Variants in RBFOX1 observed in about 807,000 individuals in gnomAD.
The protein encoded by RBFOX1 is RNA binding fox-1 homolog 1.
RBFOX1 carries 8 observed loss-of-function variants against 57.7 expected under a neutral mutation model. The observed-to-expected ratio is 0.14, with a 90% CI of 0.08 to 0.25. The LOEUF (loss-of-function observed/expected upper bound fraction) is 0.25, where lower values mean the gene tolerates loss of function less well. RBFOX1 is among the 10% of genes least tolerant of loss of function. The pLI is 1.00. For missense variants in RBFOX1, 611 were observed against 548.5 expected (o/e 1.11, Z -1.14); for synonymous variants, 326 against 222.4 (o/e 1.47, Z -4.15).
intron 1 of RBFOX1, among the ~76,000 whole-genome samples, chr16:5,307,805 C>G (rs1322600161): frequency 6.6e-6 from 1 of 152,152 alleles, no homozygotes; most frequent in Non-Finnish European, 1.5e-5. Context: ...CCCTGAGTAG[C>G]TATGACTACA....
At chr16:5,309,187 G>C (rs932323873) in intron 1 of RBFOX1, among the ~76,000 whole-genome samples, 1 of 152,174 alleles carries the variant, frequency 6.6e-6, no homozygotes, top group Non-Finnish European at 1.5e-5. Context: ...TGGGTTTTAG[G>C]AGGAGATAAA....
intron 4 of RBFOX1, among the ~76,000 whole-genome samples, chr16:7,079,666 G>A (rs1460863787): frequency 6.6e-6 from 1 of 152,156 alleles, no homozygotes; most frequent in Non-Finnish European, 1.5e-5. Context: ...AGATGAGAGT[G>A]AAAAGTAAAC....
At chr16:5,815,712 T>C (rs1892778516) in intron 3 of RBFOX1, among the ~76,000 whole-genome samples, 1 of 152,178 alleles carries the variant, frequency 6.6e-6, no homozygotes, top group Admixed American at 6.5e-5. Flanking sequence ...ATTAATCTTC[T>C]TGTAAAACCA....
intron 3 of RBFOX1, among the ~76,000 whole-genome samples, chr16:6,806,713 A>G (rs1169801245): frequency 6.7e-6 from 1 of 149,474 alleles, no homozygotes; most frequent in Non-Finnish European, 1.5e-5. Context: ...TCTTACATGT[A>G]TTACCAGGGG....
intron 14 of RBFOX1, among the ~76,000 whole-genome samples, chr16:7,690,546 G>C (rs191637716): frequency 1.3e-5 from 2 of 152,208 alleles, no homozygotes; most frequent in African/African-American, 4.8e-5. Flanking sequence ...TTAAATTCAC[G>C]GGTCTGTGTT....
chr16:7,657,931 C>T (rs142743361), intron 12 of RBFOX1, among the ~76,000 whole-genome samples: 27 of 152,300 alleles, frequency 1.8e-4, no homozygotes, highest in Non-Finnish European at 2.9e-4. Context: ...CCTAGGAAGA[C>T]ACTGGATTTA....
intron 1 of RBFOX1, among the ~76,000 whole-genome samples, chr16:6,173,759 G>A (rs1438307478): frequency 6.6e-6 from 1 of 152,018 alleles, no homozygotes; most frequent in Non-Finnish European, 1.5e-5. Context: ...ATAGGCGTAT[G>A]GCACCATGCC....
chr16:6,520,853 G>A (rs2096484764), intron 2 of RBFOX1, among the ~76,000 whole-genome samples: 1 of 152,120 alleles, frequency 6.6e-6, no homozygotes, highest in African/African-American at 2.4e-5. Context: ...ACTTTGAAGT[G>A]CTATTGTCAA....
chr16:5,341,489 G>T (rs1029062027), intron 1 of RBFOX1, among the ~76,000 whole-genome samples: 1 of 152,200 alleles, frequency 6.6e-6, no homozygotes, highest in Non-Finnish European at 1.5e-5. Flanking sequence ...GAGCTGACAG[G>T]ACTTGGGGAT....
At chr16:7,613,613 T>G (rs1343020156) in intron 10 of RBFOX1, among the ~76,000 whole-genome samples, 2 of 152,096 alleles carry the variant, frequency 1.3e-5, no homozygotes, top group Non-Finnish European at 2.9e-5. Context: ...GTATTTGACC[T>G]CGGATTTACC....
Position 5,438,260 on chromosome 16 carries a change from C to T in RBFOX1, c.220-28956C>T, listed in dbSNP as rs570019498. 3.3e-5 allele frequency among the ~76,000 whole-genome samples: 5 copies of T among 152,196 alleles called. No individual in the cohort carries two copies. The South Asian group carries it at 1.0e-3, about 32-fold the overall frequency. ...CACCCTCACTCCCATCCAGTCATCA[C>T]CTAAGTTACCTCCAGGGTTGTGGGT... On this transcript the variant is annotated intron_variant, in intron 1 of 2. Transcript: ENST00000585867.
chr16:6,683,229 T>G (rs1407099766), intron 3 of RBFOX1, among the ~76,000 whole-genome samples: 1 of 152,180 alleles, frequency 6.6e-6, no homozygotes, highest in African/African-American at 2.4e-5. Context: ...GTTCTAAATT[T>G]AAAAAGACAA....
intron 3 of RBFOX1, among the ~76,000 whole-genome samples, chr16:5,655,200 T>G (rs2049385923): frequency 6.6e-6 from 1 of 152,362 alleles, no homozygotes; most frequent in South Asian, 2.1e-4. Context: ...CACCATCATA[T>G]GCAGAATCTA....
chr16:7,065,458 T>A (rs1387009228), intron 4 of RBFOX1, among the ~76,000 whole-genome samples: 1 of 152,174 alleles, frequency 6.6e-6, no homozygotes, highest in East Asian at 1.9e-4. Context: ...TGGGTTTTTC[T>A]GAACCTGCTT....
At chr16:6,236,480 G>A (rs1296481591) in intron 1 of RBFOX1, among the ~76,000 whole-genome samples, 1 of 151,752 alleles carries the variant, frequency 6.6e-6, no homozygotes, top group Non-Finnish European at 1.5e-5. Flanking sequence ...TGTCCCTCAG[G>A]CTGGAGTGCA....
At chr16:5,719,545 A>G (rs2051850289) in intron 3 of RBFOX1, among the ~76,000 whole-genome samples, 1 of 152,048 alleles carries the variant, frequency 6.6e-6, no homozygotes, top group Non-Finnish European at 1.5e-5. Flanking sequence ...CTTCCCACCC[A>G]TTAAGCAGTA....
At chr16:7,304,145 G>C in intron 4 of RBFOX1, 5 of 932,994 alleles carry the variant, frequency 5.4e-6, no homozygotes, top group Non-Finnish European at 5.1e-6. Flanking sequence ...GAGAGCCAGG[G>C]AGGAGGGACC....
At chr16:7,105,928 G>T (rs1282212850) in intron 4 of RBFOX1, among the ~76,000 whole-genome samples, 1 of 152,122 alleles carries the variant, frequency 6.6e-6, no homozygotes, top group Non-Finnish European at 1.5e-5. Flanking sequence ...TAGATGCTAA[G>T]GAAGGAAAGC....
At chr16:6,174,043 G>C (rs1355935356) in intron 1 of RBFOX1, among the ~76,000 whole-genome samples, 1 of 152,172 alleles carries the variant, frequency 6.6e-6, no homozygotes, top group Non-Finnish European at 1.5e-5. Context: ...AGACTCCCAA[G>C]ACACTGCATA....
Sources: gnomAD v4.1 joint callset for allele counts (sites outside exome capture counted in the v4.1 genomes callset) on GRCh38, gnomAD v4.1.1 for gene constraint, MANE v1.5 for transcripts, NCBI Gene and HGNC (gene_info 2026-07-23, HGNC 2026-07-21) for gene names.